Variants in TSNARE1 observed in about 807,000 individuals in gnomAD.
TSNARE1 encodes t-SNARE domain-containing protein 1.
Under a neutral mutation model 62.0 loss-of-function variants are expected in TSNARE1, and 49 were observed. The observed-to-expected ratio is 0.79, with a 90% CI of 0.63 to 1.00. The LOEUF is 1.00. Among genes scored for constraint, TSNARE1 ranks in the 50% least tolerant of loss-of-function variants. The probability of loss-of-function intolerance (pLI) is 0.00; values close to 1 mark genes in which losing one functional copy is unlikely to be tolerated. For missense variants in TSNARE1, 755 were observed against 700.1 expected (o/e 1.08, Z -0.88); for synonymous variants, 328 against 294.4 (o/e 1.11, Z -1.17).
At chr8:142,219,706 G>A (rs1312204614) in intron 13 of TSNARE1, among the ~76,000 whole-genome samples, 1 of 152,202 alleles carries the variant, frequency 6.6e-6, no homozygotes, top group African/African-American at 2.4e-5. Context: ...GGGGAATGGG[G>A]AGGCAGGACT....
chr8:142,354,794 G>C (rs764424401), intron 1 of TSNARE1, 31 bp from the exon 2 acceptor site: 1 of 1,318,934 alleles, frequency 7.6e-7, no homozygotes, highest in African/African-American at 1.5e-5. Flanking sequence ...AGGGGGAAGA[G>C]GGGGAAGACA....
intron 9 of TSNARE1, among the ~76,000 whole-genome samples, chr8:142,303,722 G>A (rs1826171599): frequency 6.6e-6 from 1 of 152,206 alleles, no homozygotes; most frequent in African/African-American, 2.4e-5. Context: ...AGGCTAGGAG[G>A]GCTGTATGCT....
At chr8:142,307,481 G>A (rs771304775) in intron 9 of TSNARE1, among the ~76,000 whole-genome samples, 1 of 152,050 alleles carries the variant, frequency 6.6e-6, no homozygotes, top group African/African-American at 2.4e-5. Flanking sequence ...AAAATGACTT[G>A]GTATTTTCAT....
At position 142,223,161 on chromosome 8, in the gene TSNARE1, C is replaced by CTCATCCACTCACTCAT. The variant is rs1816538868; in HGVS notation, c.*11+6311_*11+6312insATGAGTGAGTGGATGA. 1.0e-4 allele frequency among the ~76,000 whole-genome samples: 2 copies of CTCATCCACTCACTCAT among 19,644 alleles called. 1 individual carries two copies. Among genetic ancestry groups the CTCATCCACTCACTCAT allele is most frequent in the African/African-American group, 2.5e-4 (2 of 8,016 alleles). 12.9% of individuals were successfully genotyped at this position (19,644 alleles called of 152,430 possible). A position where few individuals can be genotyped will look rare whatever the true frequency, so the allele number is the denominator to read the frequency against. On this transcript the variant is annotated intron_variant, in intron 13 of 13. Coordinates refer to ENST00000524325, the MANE Select transcript of TSNARE1 (RefSeq NM_145003.5). ...ATTCACTCATCCACTCACTCATTCA[C>CTCATCCACTCACTCAT]TCACTCACTCAAGTATTCACTCATT...
chr8:142,217,206 T>C (rs1815880973), intron 13 of TSNARE1, among the ~76,000 whole-genome samples: 1 of 150,272 alleles, frequency 6.7e-6, no homozygotes, highest in African/African-American at 2.5e-5. Context: ...ATAGGGCCAC[T>C]GCACTCCAAC....
chr8:142,267,052 T>C (rs1272634488), intron 12 of TSNARE1, among the ~76,000 whole-genome samples: 2 of 152,226 alleles, frequency 1.3e-5, no homozygotes, highest in Non-Finnish European at 2.9e-5. Flanking sequence ...TTTTTGTGAT[T>C]TCATCTTTTT....
In TSNARE1 at chr8:142,344,219, C is replaced by T; in HGVS notation, c.492G>A (p.Trp164Ter). Residue 164 changes from tryptophan (W) to a stop codon, truncating the protein, a stop_gained, in exon 4 of 14, where the codon TGG (tryptophan) becomes TGA (stop). Coordinates refer to ENST00000524325, the MANE Select transcript of TSNARE1 (RefSeq NM_145003.5). LOFTEE classifies it high-confidence loss of function. ...CATTCACGGCCTGCAGGATGCGGCTCCACACGCGGTACCTGCGAGTGGGCT... is the reference window on the plus strand; with the variant it reads ...CATTCACGGCCTGCAGGATGCGGCTTCACACGCGGTACCTGCGAGTGGGCT... ...KAEPTRRYRV[W>*]SRILQAVNAL... 1 of 1,613,584 alleles carries T rather than the reference C, an allele frequency of 6.2e-7. No individual in the cohort carries two copies. The highest frequency in any genetic ancestry group is 8.5e-7 in the Non-Finnish European group (1 of 1,179,884).
intron 13 of TSNARE1, among the ~76,000 whole-genome samples, chr8:142,223,023 G>T (rs796442615): frequency 6.6e-3 from 62 of 9,400 alleles, no homozygotes; most frequent in African/African-American, 0.017. Context: ...CACTCACTCA[G>T]CCACTCACTC....
chr8:142,366,742 T>A (rs1835575217), intron 1 of TSNARE1, among the ~76,000 whole-genome samples: 1 of 152,174 alleles, frequency 6.6e-6, no homozygotes, highest in African/African-American at 2.4e-5. Context: ...CTATCTCCAG[T>A]CCTATTCAAC....
At chr8:142,358,908 G>C (rs1834944885) in intron 1 of TSNARE1, among the ~76,000 whole-genome samples, 1 of 151,962 alleles carries the variant, frequency 6.6e-6, no homozygotes, top group African/African-American at 2.4e-5. Context: ...CGCTGGCCCA[G>C]CCCTCTCCAG....
At chr8:142,366,998 T>C (rs773768736) in intron 1 of TSNARE1, among the ~76,000 whole-genome samples, 18 of 151,986 alleles carry the variant, frequency 1.2e-4, no homozygotes, top group Admixed American at 7.9e-4. Flanking sequence ...GCTGCCATGG[T>C]AGGAAAAAAC....
intron 1 of TSNARE1, chr8:142,366,075 T>C (rs1835529472): frequency 2.9e-6 from 1 of 346,992 alleles, no homozygotes; most frequent in Non-Finnish European, 5.6e-6. Context: ...AGAAGGCTGT[T>C]GACCAGGCTG....
In TSNARE1 at chr8:142,319,268, G is replaced by C. The variant is rs533281141; in HGVS notation, c.894-634C>G. 1.3e-5 allele frequency among the ~76,000 whole-genome samples: 2 copies of C among 152,172 alleles called. No individual in the cohort carries two copies. Among genetic ancestry groups the C allele is most frequent in the East Asian group, 1.9e-4 (1 of 5,148 alleles). The stretch of plus-strand genomic sequence containing the variant: ...CTCGGAAAGCCAGCAGGAGAATCAG[G>C]GCAAGAGCGCCATGGCCCAGGGAGG... On this transcript the variant is annotated intron_variant, in intron 6 of 13. Transcript: ENST00000524325. The surrounding 1 kb of genome is among the most constrained non-coding windows in gnomAD (Gnocchi z 4.9).
intron 13 of TSNARE1, among the ~76,000 whole-genome samples, chr8:142,226,683 G>A (rs992644815): frequency 6.6e-6 from 1 of 152,118 alleles, no homozygotes; most frequent in Non-Finnish European, 1.5e-5. Flanking sequence ...CCAAGCCCAG[G>A]CTTAATAGAG....
intron 1 of TSNARE1, among the ~76,000 whole-genome samples, chr8:142,390,092 G>A (rs1377612772): frequency 6.6e-6 from 1 of 152,248 alleles, no homozygotes; most frequent in Non-Finnish European, 1.5e-5. Flanking sequence ...CAGAAATACA[G>A]TTTTAAGGAT....
At chr8:142,269,590 A>C (rs1819345142) in intron 12 of TSNARE1, 2 of 984,800 alleles carry the variant, frequency 2.0e-6, no homozygotes, top group Non-Finnish European at 1.2e-6. Context: ...CAGCCTCCCA[A>C]AGTGCTGTGA....
chr8:142,399,518 A>G (rs1410929033), intron 1 of TSNARE1, among the ~76,000 whole-genome samples: 1 of 152,196 alleles, frequency 6.6e-6, no homozygotes, highest in Admixed American at 6.5e-5. Flanking sequence ...GAGGGAGAGG[A>G]TGAGGATGCC....
intron 13 of TSNARE1, among the ~76,000 whole-genome samples, chr8:142,222,189 CTCAT>C (rs1456195742): frequency 1.2e-5 from 1 of 86,776 alleles, no homozygotes; most frequent in Non-Finnish European, 2.3e-5. Flanking sequence ...CATCCACTCA[CTCAT>C]TCACTCACTC....
At chr8:142,274,524 G>T in intron 12 of TSNARE1, 2 of 985,484 alleles carry the variant, frequency 2.0e-6, no homozygotes, top group South Asian at 9.4e-5. Flanking sequence ...GGATCCATGG[G>T]AGAGGGCGGC....
Sources: gnomAD v4.1 joint callset for allele counts (sites outside exome capture counted in the v4.1 genomes callset) on GRCh38, gnomAD v4.1.1 for gene constraint, Gnocchi (gnomAD v3.1) non-coding constraint, MANE v1.5 for transcripts, NCBI Gene and HGNC (gene_info 2026-07-23, HGNC 2026-07-21) for gene names.